PRKCH: variants seen among roughly 807,000 people sequenced by gnomAD.
PRKCH encodes protein kinase C eta type.
In PRKCH, 28 loss-of-function variants were observed where a neutral mutation model predicts 82.5. The ratio of observed to expected loss-of-function variants is 0.34; its 90% CI spans 0.25 to 0.47. The LOEUF is 0.47. Among genes scored for constraint, PRKCH ranks in the 20% least tolerant of loss-of-function variants. The pLI is 1.00. For missense variants in PRKCH, 705 were observed against 881.8 expected, an observed-to-expected ratio of 0.80 and a Z score of 2.54; for synonymous variants, 322 against 327.4, an observed-to-expected ratio of 0.98 and a Z score of 0.18.
intron 2 of PRKCH, among the ~76,000 whole-genome samples, chr14:61,409,947 T>C (rs1165884424): frequency 1.3e-5 from 2 of 152,196 alleles, no homozygotes; most frequent in African/African-American, 4.8e-5. Context: ...GATGACCTGA[T>C]CAAATGTTGC....
At chr14:61,314,240 A>G (rs1364333371) in intron 1 of PRKCH, among the ~76,000 whole-genome samples, 1 of 152,048 alleles carries the variant, frequency 6.6e-6, no homozygotes, top group Non-Finnish European at 1.5e-5. Flanking sequence ...CTACAAAACT[A>G]TAATTGGGCT....
At chr14:61,537,210 A>G (rs1417702579) in intron 12 of PRKCH, among the ~76,000 whole-genome samples, 1 of 151,512 alleles carries the variant, frequency 6.6e-6, no homozygotes, top group African/African-American at 2.4e-5. Flanking sequence ...TGCTTGCCTC[A>G]AAAGCAGCCT....
chr14:61,296,680 C>T (rs1180725818), intron 1 of PRKCH, among the ~76,000 whole-genome samples: 1 of 152,152 alleles, frequency 6.6e-6, no homozygotes, highest in Admixed American at 6.5e-5. Context: ...AGATAATATC[C>T]TTTTATCTAT....
chr14:61,483,961 A>G (rs777811425), intron 9 of PRKCH, among the ~76,000 whole-genome samples: 3 of 152,176 alleles, frequency 2.0e-5, no homozygotes. Context: ...GGATTGCTTG[A>G]GCCCTGGAGG....
In PRKCH at chr14:61,280,781, G is replaced by C. The variant is rs757048508; in HGVS notation, c.-19+93113G>C. On this transcript the variant is annotated intron_variant, in intron 1 of 3. Transcript: ENST00000555185. The surrounding 1 kb of genome is among the most constrained non-coding windows in gnomAD (Gnocchi z 5.0). ...GCGTCGTCGCGGGACACGCCGTAGCGCCGGTTGTTCTGGTAGAAGTTGGTC... is the reference window on the plus strand; with the variant it reads ...GCGTCGTCGCGGGACACGCCGTAGCCCCGGTTGTTCTGGTAGAAGTTGGTC... 33 of 1,555,868 alleles carry C rather than the reference G, an allele frequency of 2.1e-5. No homozygotes were observed. The South Asian group carries it at 3.7e-4, about 18-fold the overall frequency.
intron 1 of PRKCH, among the ~76,000 whole-genome samples, chr14:61,308,951 T>C (rs1769689618): frequency 6.6e-6 from 1 of 151,858 alleles, no homozygotes; most frequent in Admixed American, 6.6e-5. Context: ...AGAATCTCAG[T>C]TTAAGTGATT....
Position 61,502,871 on chromosome 14 carries a change from C to G in PRKCH, c.1433+17215C>G, listed in dbSNP as rs186380871. Among the ~76,000 whole-genome samples the G allele has an allele frequency of 7.2e-4, 109 of 152,118 alleles. 2 individuals are homozygous for G. The highest frequency in any genetic ancestry group is 2.5e-3 in the African/African-American group (104 of 41,454). The stretch of plus-strand genomic sequence containing the variant: ...CACTCCTTTGACAAAGAAATGGGGC[C>G]GAGCAGCAGAGGAAGGCAGGTGACA... On this transcript the variant is annotated intron_variant, in intron 10 of 13. Transcript: ENST00000332981.
intron 2 of PRKCH, among the ~76,000 whole-genome samples, chr14:61,435,552 C>T (rs532141480): frequency 4.6e-5 from 7 of 152,148 alleles, no homozygotes; most frequent in East Asian, 1.9e-4. Flanking sequence ...AGCTAGAAGC[C>T]GGAGCTGGCC....
At chr14:61,445,620 G>T in intron 3 of PRKCH, 72 bp from the exon 4 acceptor site, 2 of 1,340,720 alleles carry the variant, frequency 1.5e-6, no homozygotes, top group Non-Finnish European at 2.1e-6. Context: ...GATGAAATTT[G>T]TTTTCCTTAA....
rs779035031 is a variant in PRKCH, at chr14:61,549,697, G to A, written c.1918G>A (p.Asp640Asn). 1 of 1,610,646 alleles carries A rather than the reference G, an allele frequency of 6.2e-7. No homozygotes were observed. Among genetic ancestry groups the A allele is most frequent in the South Asian group, 1.1e-5 (1 of 90,594 alleles). ...TTTTTTTTGGCAGAAATCCCGAGAA[G>A]ATGTCAGTAATTTTGACCCTGACTT... ...PFRPRIKSRE[D>N]VSNFDPDFIK... Residue 640 changes from aspartate to asparagine, a missense_variant, in exon 14 of 14, where the codon GAT (aspartate) becomes AAT (asparagine). Physicochemically the swap from Asp to Asn is conservative, Grantham distance 23. This residue lies in a region of PRKCH where 91 missense variants were observed against 81.2 expected (regional missense o/e 1.12). Coordinates refer to ENST00000332981, the MANE Select transcript of PRKCH (RefSeq NM_006255.5).
chr14:61,322,538 G>T, intron 1 of PRKCH, 74 bp downstream of exon 1: 2 of 1,508,832 alleles, frequency 1.3e-6, no homozygotes, highest in Non-Finnish European at 8.9e-7. Flanking sequence ...AACTCACCCG[G>T]GTCCCGCTTT....
chr14:61,346,435 T>C (rs1315674023), intron 1 of PRKCH, among the ~76,000 whole-genome samples: 1 of 152,232 alleles, frequency 6.6e-6, no homozygotes, highest in African/African-American at 2.4e-5. Context: ...CTTGAGATAG[T>C]GTGTCATTTC....
At chr14:61,339,069 C>T (rs1465952737) in intron 1 of PRKCH, among the ~76,000 whole-genome samples, 1 of 152,050 alleles carries the variant, frequency 6.6e-6, no homozygotes, top group African/African-American at 2.4e-5. Context: ...AATGAGGCCT[C>T]CCCACCACTT....
At chr14:61,470,683 G>A (rs1396665394) in intron 9 of PRKCH, among the ~76,000 whole-genome samples, 2 of 152,122 alleles carry the variant, frequency 1.3e-5, no homozygotes, top group Non-Finnish European at 2.9e-5. Context: ...CCCACTTCTG[G>A]TCTTGAATGA....
chr14:61,246,691 C>T (rs1458354914), intron 1 of PRKCH, among the ~76,000 whole-genome samples: 1 of 152,154 alleles, frequency 6.6e-6, no homozygotes, highest in African/African-American at 2.4e-5. Context: ...CTTCTCTACT[C>T]TCCTCCTTGC....
intron 1 of PRKCH, among the ~76,000 whole-genome samples, chr14:61,250,896 A>C (rs564622205): frequency 1.7e-4 from 26 of 152,328 alleles, no homozygotes; most frequent in African/African-American, 6.3e-4. Flanking sequence ...TCTCTAAAAA[A>C]GCCATTTTTT....
At chr14:61,450,023 C>T (rs560425845) in intron 5 of PRKCH, among the ~76,000 whole-genome samples, 1 of 152,222 alleles carries the variant, frequency 6.6e-6, no homozygotes, top group East Asian at 1.9e-4. Context: ...TGGAGTGTTG[C>T]TGACATTTAG....
At chr14:61,524,589 C>T (rs2042944341) in intron 10 of PRKCH, among the ~76,000 whole-genome samples, 1 of 152,148 alleles carries the variant, frequency 6.6e-6, no homozygotes, top group Admixed American at 6.5e-5. Flanking sequence ...CTGCATATTT[C>T]AAACTAAAGT....
intron 1 of PRKCH, among the ~76,000 whole-genome samples, chr14:61,384,793 T>A (rs2046562614): frequency 6.6e-6 from 1 of 152,136 alleles, no homozygotes; most frequent in South Asian, 2.1e-4. Context: ...TCAGTCCACT[T>A]CGGGGACTCA....
Sources: allele counts gnomAD v4.1 joint callset (sites outside exome capture counted in the v4.1 genomes callset), GRCh38; gene constraint gnomAD v4.1.1; regional missense constraint gnomAD v4.1.1; non-coding constraint Gnocchi (gnomAD v3.1); transcripts MANE v1.5; gene names NCBI Gene and HGNC (gene_info 2026-07-23, HGNC 2026-07-21).